The following PNLIPRP3 variants were observed in gnomAD, a reference collection of about 807,000 sequenced individuals.
PNLIPRP3 encodes the protein pancreatic lipase-related protein 3.
In PNLIPRP3, 58 loss-of-function variants were observed where a neutral mutation model predicts 52.8. The observed-to-expected ratio is 1.10, with a 90% CI of 0.89 to 1.37. PNLIPRP3 has a LOEUF of 1.37. Ranked by LOEUF, PNLIPRP3 falls within the 40% of genes most tolerant of loss-of-function variation. The pLI is 0.00. For missense variants in PNLIPRP3, 593 were observed against 561.6 expected (o/e 1.06, Z -0.57); for synonymous variants, 192 against 185.0 (o/e 1.04, Z -0.31).
At chr10:116,472,796 G>A (rs936622691) in intron 10 of PNLIPRP3, among the ~76,000 whole-genome samples, 1 of 152,144 alleles carries the variant, frequency 6.6e-6, no homozygotes, top group Non-Finnish European at 1.5e-5. Flanking sequence ...TCAGTTCAGC[G>A]AGGCTACACT....
At position 116,446,210 on chromosome 10, in the gene PNLIPRP3, T is replaced by G. The variant is rs1477042300; in HGVS notation, c.456+1697T>G. Among the ~76,000 whole-genome samples the G allele has an allele frequency of 2.6e-5, 4 of 151,686 alleles. No homozygotes were observed. The East Asian group carries it at 5.9e-4, about 22-fold the overall frequency. ...AAATACAAAAAATTAGCTGGGTGTG[T>G]TGGCGGGCACCTGTAGTCCCAGCTA... On this transcript the variant is annotated intron_variant, in intron 4 of 11. Coordinates refer to ENST00000369230, the MANE Select transcript of PNLIPRP3 (RefSeq NM_001011709.3).
chr10:116,437,002 T>C, intron 2 of PNLIPRP3, 137 bp downstream of exon 2: 1 of 889,478 alleles, frequency 1.1e-6, no homozygotes, highest in Non-Finnish European at 1.6e-6. Flanking sequence ...TTCAGTATTA[T>C]GAGTCAGATT....
chr10:116,445,255 C>T (rs971648079), intron 4 of PNLIPRP3, among the ~76,000 whole-genome samples: 3 of 152,140 alleles, frequency 2.0e-5, no homozygotes, highest in African/African-American at 7.2e-5. Flanking sequence ...GAGGCACACA[C>T]AGAAACAAAT....
In PNLIPRP3 at chr10:116,434,289, C is replaced by T. The variant is rs140396771; in HGVS notation, c.50-2422C>T. ...GGGATTCACCATTAATATTTTGGTACCTTTCTTTTAATTTTACTTTTTTCC... is the reference window on the plus strand; with the variant it reads ...GGGATTCACCATTAATATTTTGGTATCTTTCTTTTAATTTTACTTTTTTCC... On this transcript the variant is annotated intron_variant, in intron 1 of 11. Transcript: ENST00000369230. Among the ~76,000 whole-genome samples the T allele has an allele frequency of 8.7e-3, 1,326 of 152,094 alleles. 60 individuals are homozygous for T. Among genetic ancestry groups the T allele is most frequent in the Admixed American group, 0.078 (1,186 of 15,258 alleles).
chr10:116,454,459 C>T (rs1846083944), intron 4 of PNLIPRP3, among the ~76,000 whole-genome samples: 1 of 152,178 alleles, frequency 6.6e-6, no homozygotes, highest in Admixed American at 6.5e-5. Flanking sequence ...TAAACCTACT[C>T]TTAGCAATTT....
chr10:116,456,892 G>A (rs547181306), intron 5 of PNLIPRP3, among the ~76,000 whole-genome samples: 1 of 152,254 alleles, frequency 6.6e-6, no homozygotes. Context: ...TTTTGGCCTT[G>A]GTCCCCGCTG....
At position 116,469,151 on chromosome 10, in the gene PNLIPRP3, A is replaced by C. The variant is rs777828392; in HGVS notation, c.928-34A>C. 1.5e-5 allele frequency: 23 copies of C among 1,585,960 alleles called. No individual in the cohort carries two copies. The Middle Eastern group carries it at 1.2e-3, about 83-fold the overall frequency. On this transcript the variant is annotated intron_variant, in intron 8 of 11. Transcript: ENST00000369230. ...TTATTGAAGGACAACATTTCTAATT[A>C]CATAAGTAATCACCTTTCATTTTCT... is the stretch of plus-strand genomic sequence containing the variant.
At chr10:116,472,462 TTA>T (rs1846388272) in intron 10 of PNLIPRP3, among the ~76,000 whole-genome samples, 1 of 152,238 alleles carries the variant, frequency 6.6e-6, no homozygotes, top group South Asian at 2.1e-4. Flanking sequence ...ATTCTGTAAT[TTA>T]TGTCAGAATT....
intron 2 of PNLIPRP3, among the ~76,000 whole-genome samples, chr10:116,441,403 C>T (rs916971391): frequency 3.3e-5 from 5 of 152,084 alleles, no homozygotes; most frequent in South Asian, 2.1e-4. Flanking sequence ...CAATTTTTTT[C>T]GGACTAAATT....
At chr10:116,435,445 C>CAA (rs35013184) in intron 1 of PNLIPRP3, among the ~76,000 whole-genome samples, 5,560 of 141,364 alleles carry the variant, frequency 0.039, 214 homozygotes, top group Admixed American at 0.095. Context: ...ATAAATGAGC[C>CAA]AAAAAAAAAA....
At chr10:116,474,412 C>A (rs1846424833) in intron 10 of PNLIPRP3, among the ~76,000 whole-genome samples, 1 of 152,102 alleles carries the variant, frequency 6.6e-6, no homozygotes, top group Non-Finnish European at 1.5e-5. Flanking sequence ...GATGAAGATG[C>A]CAAAAGCAAT....
chr10:116,439,711 G>A, intron 2 of PNLIPRP3: 1 of 770,530 alleles, frequency 1.3e-6, no homozygotes, highest in Non-Finnish European at 2.4e-6. Context: ...AGGGTTTGTG[G>A]ATTTGATCTA....
chr10:116,432,753 G>A (rs1845725013), intron 1 of PNLIPRP3, among the ~76,000 whole-genome samples: 1 of 152,032 alleles, frequency 6.6e-6, no homozygotes, highest in African/African-American at 2.4e-5. Flanking sequence ...ATCCCAGGTG[G>A]GTAAACATTC....
intron 2 of PNLIPRP3, among the ~76,000 whole-genome samples, chr10:116,441,932 C>T (rs1201687047): frequency 1.3e-5 from 2 of 152,190 alleles, no homozygotes; most frequent in African/African-American, 4.8e-5. Flanking sequence ...AGCAAGCCAA[C>T]TTATGACTCT....
intron 3 of PNLIPRP3, among the ~76,000 whole-genome samples, chr10:116,443,803 A>ATGTGTG (rs1564695678): frequency 1.7e-3 from 3 of 1,784 alleles, no homozygotes; most frequent in East Asian, 4.6e-3. Context: ...GTGTGTGTGC[A>ATGTGTG]TATATATATA....
At chr10:116,435,536 T>C (rs1589974978) in intron 1 of PNLIPRP3, among the ~76,000 whole-genome samples, 2 of 151,904 alleles carry the variant, frequency 1.3e-5, no homozygotes, top group Non-Finnish European at 2.9e-5. Context: ...TGGGATGCGC[T>C]GGGTTATTGA....
rs527938349 is a variant in PNLIPRP3, at chr10:116,459,522, G to A, written c.566-1444G>A. Among the ~76,000 whole-genome samples, 5 of 152,158 alleles carry A rather than the reference G, an allele frequency of 3.3e-5. No homozygotes were observed. The South Asian group carries it at 1.0e-3, about 32-fold the overall frequency. The stretch of plus-strand genomic sequence containing the variant: ...AAGCTTACAACAGCTTCCCATTGAT[G>A]ACCACATCATGTCCAAACTCCTTGA... On this transcript the variant is annotated intron_variant, in intron 5 of 11. Coordinates refer to ENST00000369230, the MANE Select transcript of PNLIPRP3 (RefSeq NM_001011709.3).
intron 5 of PNLIPRP3, 67 bp downstream of exon 5, chr10:116,455,897 T>G: frequency 8.8e-7 from 1 of 1,140,228 alleles, no homozygotes; most frequent in Non-Finnish European, 1.3e-6. Flanking sequence ...ACCAAGTATC[T>G]GAACACCAAG....
At chr10:116,476,398 A>G (rs970097124) in intron 10 of PNLIPRP3, among the ~76,000 whole-genome samples, 1 of 152,194 alleles carries the variant, frequency 6.6e-6, no homozygotes, top group Non-Finnish European at 1.5e-5. Flanking sequence ...CTATGGAGAA[A>G]TCACAATAAT....
Sources: gnomAD v4.1 joint callset for allele counts (sites outside exome capture counted in the v4.1 genomes callset) on GRCh38, gnomAD v4.1.1 for gene constraint, MANE v1.5 for transcripts, NCBI Gene and HGNC (gene_info 2026-07-23, HGNC 2026-07-21) for gene names.